The following PAIP2B variants were observed in gnomAD, a reference collection of about 807,000 sequenced individuals.
PAIP2B encodes the protein polyadenylate-binding protein-interacting protein 2B.
Under a neutral mutation model 17.0 loss-of-function variants are expected in PAIP2B, and 13 were observed. The ratio of observed to expected loss-of-function variants is 0.76; its 90% CI spans 0.50 to 1.22. PAIP2B has a LOEUF of 1.22. Ranked by LOEUF, PAIP2B falls within the 50% of genes most tolerant of loss-of-function variation. PAIP2B has a pLI of 0.00. For missense variants in PAIP2B, 117 were observed against 144.5 expected, an observed-to-expected ratio of 0.81 and a Z score of 0.98; for synonymous variants, 43 against 48.7, an observed-to-expected ratio of 0.88 and a Z score of 0.48.
chr2:71,218,058 C>T (rs1675477706), intron 1 of PAIP2B, among the ~76,000 whole-genome samples: 1 of 152,008 alleles, frequency 6.6e-6, no homozygotes, highest in Non-Finnish European at 1.5e-5. Context: ...CAGACCAAGA[C>T]CTAGATAATT....
At chr2:71,193,027 G>A (rs1230294285) in intron 2 of PAIP2B, among the ~76,000 whole-genome samples, 1 of 152,124 alleles carries the variant, frequency 6.6e-6, no homozygotes, top group African/African-American at 2.4e-5. Context: ...TTCCACAATG[G>A]CTGAAGTAAT....
At chr2:71,214,339 C>A (rs1474631478) in intron 1 of PAIP2B, among the ~76,000 whole-genome samples, 1 of 152,100 alleles carries the variant, frequency 6.6e-6, no homozygotes, top group African/African-American at 2.4e-5. Context: ...GTTCGGAGAA[C>A]CATGCTGAAG....
intron 1 of PAIP2B, among the ~76,000 whole-genome samples, chr2:71,222,388 G>C (rs1675608556): frequency 6.6e-6 from 1 of 152,156 alleles, no homozygotes; most frequent in Non-Finnish European, 1.5e-5. Context: ...AGGACATGAT[G>C]GCACAGCTCA....
intron 1 of PAIP2B, among the ~76,000 whole-genome samples, chr2:71,208,254 T>A (rs913102549): frequency 6.6e-6 from 1 of 152,048 alleles, no homozygotes; most frequent in Non-Finnish European, 1.5e-5. Flanking sequence ...TGAAACCCCA[T>A]CCCTACTAAA....
intron 2 of PAIP2B, among the ~76,000 whole-genome samples, chr2:71,195,349 C>T (rs1167619576): frequency 6.6e-6 from 1 of 152,134 alleles, no homozygotes; most frequent in Non-Finnish European, 1.5e-5. Flanking sequence ...TCCATCATGT[C>T]CTGGGCTTTT....
At chr2:71,215,857 A>G (rs1675418718) in intron 1 of PAIP2B, among the ~76,000 whole-genome samples, 1 of 152,136 alleles carries the variant, frequency 6.6e-6, no homozygotes, top group South Asian at 2.1e-4. Flanking sequence ...CTGTGTATCT[A>G]TGTGTGTGTG....
At chr2:71,202,077 C>T (rs563615730) in intron 2 of PAIP2B, among the ~76,000 whole-genome samples, 1 of 152,280 alleles carries the variant, frequency 6.6e-6, no homozygotes, top group Non-Finnish European at 1.5e-5. Context: ...GGACCCTCTG[C>T]AGTAGTTACT....
chr2:71,215,035 A>AT (rs1490552124), intron 1 of PAIP2B, among the ~76,000 whole-genome samples: 1 of 152,218 alleles, frequency 6.6e-6, no homozygotes, highest in Non-Finnish European at 1.5e-5. Flanking sequence ...CACCAAAAAA[A>AT]CAAAAGAAGG....
intron 1 of PAIP2B, among the ~76,000 whole-genome samples, chr2:71,206,656 C>A (rs1267754545): frequency 6.6e-6 from 1 of 152,214 alleles, no homozygotes; most frequent in African/African-American, 2.4e-5. Flanking sequence ...TAAACACCCA[C>A]AACTTTCAGA....
At chr2:71,194,485 GT>G (rs1230626497) in intron 2 of PAIP2B, among the ~76,000 whole-genome samples, 9 of 148,042 alleles carry the variant, frequency 6.1e-5, no homozygotes, top group East Asian at 2.0e-4. Context: ...GTGTGTGTGT[GT>G]GTGTGTGGCA....
At chr2:71,220,054 T>C (rs1208626435) in intron 1 of PAIP2B, among the ~76,000 whole-genome samples, 2 of 152,194 alleles carry the variant, frequency 1.3e-5, no homozygotes, top group African/African-American at 4.8e-5. Context: ...GGATGTACCA[T>C]AGTTTACTTA....
At chr2:71,207,699 T>C (rs2125500) in intron 1 of PAIP2B, among the ~76,000 whole-genome samples, 136,057 of 152,128 alleles carry the variant, frequency 0.89, 60,926 homozygotes, top group Admixed American at 0.91. Flanking sequence ...AGGTAGACTC[T>C]AAAACTATTT....
At chr2:71,221,029 C>T (rs1675568038) in intron 1 of PAIP2B, among the ~76,000 whole-genome samples, 1 of 152,206 alleles carries the variant, frequency 6.6e-6, no homozygotes. Context: ...TAAATGATTT[C>T]ACTACAGTGT....
At position 71,185,260 on chromosome 2, in the gene PAIP2B, A is replaced by T. The variant is rs1305913088; in HGVS notation, c.*3219T>A. The T allele has an allele frequency of 6.6e-6, 1 of 152,098 alleles. No homozygotes were observed. The highest frequency in any genetic ancestry group is 1.5e-5 in the Non-Finnish European group (1 of 68,002). The allele number at this position is 152,098 out of a possible 1,614,324, so 9.4% of individuals were successfully genotyped here. On this transcript the variant is annotated 3_prime_UTR_variant, in exon 4 of 4. Transcript: ENST00000244221. ...CATGGTTAGCATTATAACCTTAATTAAAGAGACCCCAGGCTGGGGTGGCTC... is the reference window on the plus strand; with the variant it reads ...CATGGTTAGCATTATAACCTTAATTTAAGAGACCCCAGGCTGGGGTGGCTC...
chr2:71,195,433 C>T (rs1674792160), intron 2 of PAIP2B, among the ~76,000 whole-genome samples: 1 of 152,128 alleles, frequency 6.6e-6, no homozygotes, highest in Admixed American at 6.5e-5. Context: ...TCAATTTCTT[C>T]CTAGCTCAGT....
chr2:71,196,337 T>C (rs890717037), intron 2 of PAIP2B, among the ~76,000 whole-genome samples: 3 of 152,206 alleles, frequency 2.0e-5, no homozygotes, highest in African/African-American at 7.2e-5. Context: ...TTTCATTGTG[T>C]TGACTTCTAT....
chr2:71,190,315 T>C (rs1674656242), intron 2 of PAIP2B, among the ~76,000 whole-genome samples: 2 of 152,090 alleles, frequency 1.3e-5, no homozygotes, highest in Admixed American at 1.3e-4. Flanking sequence ...TCTCAGCTAC[T>C]TGGGAGACTG....
intron 2 of PAIP2B, among the ~76,000 whole-genome samples, chr2:71,194,962 CTT>C (rs1037603350): frequency 6.6e-6 from 1 of 152,170 alleles, no homozygotes; most frequent in African/African-American, 2.4e-5. Context: ...TATCAAAAGA[CTT>C]TTCTGCTTCT....
At chr2:71,213,523 C>G (rs1282797602) in intron 1 of PAIP2B, among the ~76,000 whole-genome samples, 1 of 152,112 alleles carries the variant, frequency 6.6e-6, no homozygotes, top group East Asian at 1.9e-4. Flanking sequence ...CAGTGCTAGA[C>G]AGAGTGAAGA....
Sources: gnomAD v4.1 joint callset for allele counts (sites outside exome capture counted in the v4.1 genomes callset) on GRCh38, gnomAD v4.1.1 for gene constraint, MANE v1.5 for transcripts, NCBI Gene and HGNC (gene_info 2026-07-23, HGNC 2026-07-21) for gene names.